The following FGFR2 variants were observed in gnomAD, a reference collection of about 807,000 sequenced individuals.
The protein encoded by FGFR2 is fibroblast growth factor receptor 2.
Under a neutral mutation model 95.9 loss-of-function variants are expected in FGFR2, and 19 were observed. That is an observed-to-expected ratio of 0.20 (90% confidence interval 0.14 to 0.29). The LOEUF (loss-of-function observed/expected upper bound fraction) is 0.29, where lower values mean the gene tolerates loss of function less well. Ranked by LOEUF, FGFR2 falls within the 10% of genes least tolerant of loss-of-function variation. The pLI, the probability that FGFR2 is intolerant of heterozygous loss-of-function variation, is 1.00. For synonymous variants in FGFR2, 392 were observed against 393.3 expected, an observed-to-expected ratio of 1.00 and a Z score of 0.04; for missense variants, 707 against 1,056.9, an observed-to-expected ratio of 0.67 and a Z score of 4.59.
At chr10:121,590,682 T>C (rs529401582) in intron 2 of FGFR2, among the ~76,000 whole-genome samples, 2 of 152,322 alleles carry the variant, frequency 1.3e-5, no homozygotes, top group Admixed American at 6.5e-5. Flanking sequence ...TATGATATGA[T>C]ACGATATTGC....
At chr10:121,581,037 T>C (rs369852217) in intron 2 of FGFR2, among the ~76,000 whole-genome samples, 20 of 152,280 alleles carry the variant, frequency 1.3e-4, no homozygotes, top group African/African-American at 4.3e-4. Context: ...CCTCCGGCCA[T>C]CTCTCTGCCT....
chr10:121,565,783 A>AG, intron 2 of FGFR2, 79 bp from the exon 3 acceptor site: 3 of 1,549,184 alleles, frequency 1.9e-6, no homozygotes, highest in Non-Finnish European at 2.7e-6. Context: ...AGGTCAGTGG[A>AG]GGCCTGCTTA....
In FGFR2 at chr10:121,478,667, A is replaced by C; in HGVS notation, c.*1190T>G. 1 of 233,372 alleles carries C rather than the reference A, an allele frequency of 4.3e-6. No individual in the cohort carries two copies. The highest frequency in any genetic ancestry group is 8.5e-6 in the Non-Finnish European group (1 of 118,008). 14.5% of individuals were successfully genotyped at this position (233,372 alleles called of 1,614,324 possible). On this transcript the variant is annotated 3_prime_UTR_variant, in exon 18 of 18. Coordinates refer to ENST00000358487, the MANE Select transcript of FGFR2 (RefSeq NM_000141.5). ...ACGTATCCCCAAAACTATCAGCAGA[A>C]CAACTCTGTGTTTCAATTTTCTATG...
At chr10:121,593,013 C>T (rs761855344) in intron 2 of FGFR2, among the ~76,000 whole-genome samples, 7 of 152,164 alleles carry the variant, frequency 4.6e-5, no homozygotes, top group Non-Finnish European at 8.8e-5. Context: ...ATGTAGTCCT[C>T]GTAATTGGAC....
rs568753503 is a variant in FGFR2 at position 121,514,684 on chromosome 10, C to T, written c.1287+433G>A. Among the ~76,000 whole-genome samples, 4 of 152,270 alleles carry T rather than the reference C, an allele frequency of 2.6e-5. No individual in the cohort carries two copies. In the South Asian group the frequency reaches 8.3e-4, roughly 32 times the overall value. On this transcript the variant is annotated intron_variant, in intron 9 of 17. Coordinates refer to ENST00000358487, the MANE Select transcript of FGFR2 (RefSeq NM_000141.5). ...CTGATCTTGACTTTAAAAAATAAGTCAGAGAACTTAGAGTCTCTTTCGTAC... is the reference window on the plus strand; with the variant it reads ...CTGATCTTGACTTTAAAAAATAAGTTAGAGAACTTAGAGTCTCTTTCGTAC...
chr10:121,597,802 T>A (rs1863683280), intron 1 of FGFR2, among the ~76,000 whole-genome samples, 160 bp downstream of exon 1: 1 of 152,116 alleles, frequency 6.6e-6, no homozygotes, highest in African/African-American at 2.4e-5. Flanking sequence ...ACCTCCCCCA[T>A]CACCTATGCA....
chr10:121,577,158 A>AATATATAT (rs1859958046), intron 2 of FGFR2, among the ~76,000 whole-genome samples: 2 of 13,958 alleles, frequency 1.4e-4, no homozygotes, highest in African/African-American at 2.7e-4. Flanking sequence ...AAAAAAAAAA[A>AATATATAT]ATATATATAT....
At chr10:121,581,530 G>A (rs1399723219) in intron 2 of FGFR2, among the ~76,000 whole-genome samples, 1 of 148,860 alleles carries the variant, frequency 6.7e-6, no homozygotes, top group Non-Finnish European at 1.5e-5. Context: ...CTTGAGCCCA[G>A]GAGTTTGAGA....
intron 1 of FGFR2, among the ~76,000 whole-genome samples, chr10:121,595,963 GCA>G (rs1863376414): frequency 6.6e-6 from 1 of 152,228 alleles, no homozygotes; most frequent in Non-Finnish European, 1.5e-5. Flanking sequence ...CGACAGGTCT[GCA>G]CAGTTCCTCA....
intron 6 of FGFR2, chr10:121,527,587 C>A (rs1851545194): frequency 3.0e-5 from 1 of 33,360 alleles, no homozygotes. Context: ...GTATATTTTA[C>A]CACAATTTTT....
chr10:121,548,245 C>CTTTTTTTTTTTT lies in FGFR2; in HGVS notation c.624+3033_624+3044dup, dbSNP rs57061338. 2.6e-3 allele frequency among the ~76,000 whole-genome samples: 120 copies of CTTTTTTTTTTTT among 46,704 alleles called. 11 individuals are homozygous for CTTTTTTTTTTTT. The highest frequency in any genetic ancestry group is 0.029 in the Middle Eastern group (1 of 34). 30.6% of individuals were successfully genotyped at this position (46,704 alleles called of 152,430 possible). A position where few individuals can be genotyped will look rare whatever the true frequency, so the allele number is the denominator to read the frequency against. On this transcript the variant is annotated intron_variant, in intron 5 of 17. Transcript: ENST00000358487. ...TGTGTGGCCCTCTGCCGCTTTTGGC[C>CTTTTTTTTTTTT]TTTTTTTTTTTTTTTTTTTTTTTTT... is the stretch of plus-strand genomic sequence containing the variant.
At chr10:121,597,878 A>T (rs1863695057) in intron 1 of FGFR2, 84 bp downstream of exon 1, 2 of 385,118 alleles carry the variant, frequency 5.2e-6, no homozygotes, top group Non-Finnish European at 9.2e-6. Flanking sequence ...CGCCCGGAGG[A>T]CGGTGCACCC....
At chr10:121,505,699 T>C (rs996473198) in intron 9 of FGFR2, among the ~76,000 whole-genome samples, 10 of 152,200 alleles carry the variant, frequency 6.6e-5, no homozygotes, top group Admixed American at 2.0e-4. Flanking sequence ...CCCCGCCATG[T>C]GGTATCCAAC....
At chr10:121,527,375 T>C (rs1332271783) in intron 6 of FGFR2, among the ~76,000 whole-genome samples, 2 of 152,206 alleles carry the variant, frequency 1.3e-5, no homozygotes, top group East Asian at 3.9e-4. Context: ...TCACCAGAAC[T>C]GAAGATTCTT....
In FGFR2 at chr10:121,518,056, CA is replaced by C; in HGVS notation, c.940-594del. On this transcript the variant is annotated intron_variant, in intron 7 of 17. Coordinates refer to ENST00000358487, the MANE Select transcript of FGFR2 (RefSeq NM_000141.5). This position sits in a 1 kb window ranked among gnomAD's most constrained non-coding sequence, Gnocchi z 4.0. The stretch of plus-strand genomic sequence containing the variant: ...TGGAAGCAAGCATCATCTTGGTAAC[CA>C]AAAAAACTGGGCTTTTTCTCTTTTC... 2 of 497,332 alleles carry C rather than the reference CA, an allele frequency of 4.0e-6. No individual in the cohort carries two copies. The highest frequency in any genetic ancestry group is 2.2e-5 in the Admixed American group (1 of 45,328). 30.8% of individuals were successfully genotyped at this position (497,332 alleles called of 1,614,324 possible). A position where few individuals can be genotyped will look rare whatever the true frequency, so the allele number is the denominator to read the frequency against.
At chr10:121,594,239 C>A in intron 1 of FGFR2, 1 of 389,612 alleles carries the variant, frequency 2.6e-6, no homozygotes, top group East Asian at 4.3e-5. Context: ...GCAGCCACTT[C>A]AGTGAGGCAA....
chr10:121,579,052 G>C (rs1860396096), intron 2 of FGFR2, among the ~76,000 whole-genome samples: 1 of 152,192 alleles, frequency 6.6e-6, no homozygotes, highest in Non-Finnish European at 1.5e-5. Context: ...CCAAGGATGA[G>C]ACTTTGAGAC....
chr10:121,588,038 T>C (rs574549828), intron 2 of FGFR2, among the ~76,000 whole-genome samples: 1 of 152,278 alleles, frequency 6.6e-6, no homozygotes, highest in African/African-American at 2.4e-5. Flanking sequence ...GTAGTACATA[T>C]ACAACATAGA....
At chr10:121,576,868 C>T (rs572093839) in intron 2 of FGFR2, among the ~76,000 whole-genome samples, 1 of 151,804 alleles carries the variant, frequency 6.6e-6, no homozygotes, top group Admixed American at 6.6e-5. Flanking sequence ...GGCATGGTGG[C>T]TCATGCCTGT....
Sources: allele counts gnomAD v4.1 joint callset (sites outside exome capture counted in the v4.1 genomes callset), GRCh38; gene constraint gnomAD v4.1.1; non-coding constraint Gnocchi (gnomAD v3.1); transcripts MANE v1.5; gene names NCBI Gene and HGNC (gene_info 2026-07-23, HGNC 2026-07-21).